The following RBM39 variants were observed in gnomAD, a reference collection of about 807,000 sequenced individuals.
RBM39 encodes RNA-binding protein 39.
RBM39 carries 12 observed loss-of-function variants against 79.6 expected under a neutral mutation model. That is an observed-to-expected ratio of 0.15 (90% CI 0.10 to 0.24). The LOEUF is 0.24. Ranked by LOEUF, RBM39 falls within the 10% of genes least tolerant of loss-of-function variation. The pLI, the probability that RBM39 is intolerant of heterozygous loss-of-function variation, is 1.00. For missense variants in RBM39, 243 were observed against 653.4 expected, an observed-to-expected ratio of 0.37 and a Z score of 6.85; for synonymous variants, 185 against 208.4, an observed-to-expected ratio of 0.89 and a Z score of 0.97.
intron 14 of RBM39, 64 bp from the exon 15 acceptor site, chr20:35,705,394 G>GT (rs1568980777): frequency 1.1e-6 from 1 of 912,106 alleles, no homozygotes; most frequent in Non-Finnish European, 1.6e-6. Context: ...ATTTACAAAT[G>GT]TATCAAAAAA....
intron 9 of RBM39, among the ~76,000 whole-genome samples, chr20:35,718,166 C>T (rs1456031323): frequency 1.3e-5 from 2 of 151,710 alleles, no homozygotes; most frequent in Admixed American, 6.6e-5. Flanking sequence ...GCCCAAGGAA[C>T]GAACTTTTAA....
chr20:35,739,248 CAT>C, intron 2 of RBM39: 1 of 551,850 alleles, frequency 1.8e-6, no homozygotes. Context: ...TCCATATTAA[CAT>C]GTTAAATTTT....
chr20:35,727,363 TA>T (rs2038843195), intron 6 of RBM39, among the ~76,000 whole-genome samples: 2 of 88,788 alleles, frequency 2.3e-5, no homozygotes, highest in Non-Finnish European at 4.7e-5. Flanking sequence ...AAATAAAAAA[TA>T]AAAATAAAAA....
intron 2 of RBM39, chr20:35,739,257 TTTTAC>T (rs2040289488): frequency 1.9e-6 from 1 of 529,858 alleles, no homozygotes; most frequent in African/African-American, 1.9e-5. Flanking sequence ...ACATGTTAAA[TTTTAC>T]TTTCTTATAT....
chr20:35,734,721 T>C, intron 3 of RBM39: 5 of 1,016,072 alleles, frequency 4.9e-6, no homozygotes, highest in Non-Finnish European at 6.5e-6. Context: ...CCCAGGCAGG[T>C]AAAAAGACAG....
At chr20:35,720,718 G>A (rs1277458340) in intron 9 of RBM39, among the ~76,000 whole-genome samples, 1 of 152,150 alleles carries the variant, frequency 6.6e-6, no homozygotes, top group African/African-American at 2.4e-5. Context: ...TTTGCAGCGA[G>A]GCGAGATTGT....
chr20:35,737,389 CAAAAAAAA>C (rs58047560), intron 3 of RBM39, among the ~76,000 whole-genome samples: 1 of 62,256 alleles, frequency 1.6e-5, no homozygotes, highest in African/African-American at 5.7e-5. Context: ...AACTCCATCT[CAAAAAAAA>C]AAAAAAAAAA....
chr20:35,729,597 TC>T, intron 4 of RBM39, 70 bp from the exon 5 acceptor site: 4 of 1,366,440 alleles, frequency 2.9e-6, no homozygotes, highest in Non-Finnish European at 4.1e-6. Flanking sequence ...TCATGCGCTC[TC>T]CAGCAAGACT....
Position 35,706,368 on chromosome 20 carries a change from A to G in RBM39, c.1307+752T>C, listed in dbSNP as rs184183945. On this transcript the variant is annotated intron_variant, in intron 14 of 16. Coordinates refer to ENST00000253363, the MANE Select transcript of RBM39 (RefSeq NM_184234.3). ...AAGTTAAATACTTCAATGCTATCAA[A>G]TGATACTTACAACGAAAGTTTATCA... is the stretch of plus-strand genomic sequence containing the variant. 9.2e-5 allele frequency among the ~76,000 whole-genome samples: 14 copies of G among 152,302 alleles called. No homozygotes were observed. In the East Asian group the frequency reaches 2.7e-3, roughly 29 times the overall value.
intron 9 of RBM39, among the ~76,000 whole-genome samples, chr20:35,717,333 G>A (rs933968961): frequency 3.3e-5 from 5 of 150,610 alleles, no homozygotes; most frequent in African/African-American, 4.9e-5. Flanking sequence ...CTTCCCAAGC[G>A]AGAAATTATG....
chr20:35,724,726 G>A lies in RBM39; in HGVS notation c.535-4C>T. 26 of 1,613,346 alleles carry A rather than the reference G, an allele frequency of 1.6e-5. No homozygotes were observed. Among genetic ancestry groups the A allele is most frequent in the Non-Finnish European group, 2.2e-5 (26 of 1,179,528 alleles). ...AAATCATCCTCACATCTCGAACCTA[G>A]AAAGAAAACACAGTTGTTTGTGCAA... On this transcript the variant is annotated splice_polypyrimidine_tract_variant and splice_region_variant and intron_variant, in intron 7 of 16. Coordinates refer to ENST00000253363, the MANE Select transcript of RBM39 (RefSeq NM_184234.3).
At chr20:35,707,864 G>T in intron 13 of RBM39, 1 of 462,932 alleles carries the variant, frequency 2.2e-6, no homozygotes, top group African/African-American at 2.0e-5. Flanking sequence ...AGTTTAAAGA[G>T]CATTTTCCAA....
rs1209027292 is a variant in RBM39 at position 35,738,953 on chromosome 20, C to G, written c.101+15G>C. On this transcript the variant is annotated intron_variant, in intron 3 of 16. Coordinates refer to ENST00000253363, the MANE Select transcript of RBM39 (RefSeq NM_184234.3). ...AAGCTCACCACCCTCCCCCAAGCCCCTTCTTAAAACTCACTTTTTGCTACG... is the reference window on the plus strand; with the variant it reads ...AAGCTCACCACCCTCCCCCAAGCCCGTTCTTAAAACTCACTTTTTGCTACG... 1 of 1,607,076 alleles carries G rather than the reference C, an allele frequency of 6.2e-7. No individual in the cohort carries two copies. Among genetic ancestry groups the G allele is most frequent in the Non-Finnish European group, 8.5e-7 (1 of 1,173,614 alleles).
At chr20:35,734,852 AG>A in intron 3 of RBM39, 1 of 1,448,420 alleles carries the variant, frequency 6.9e-7, no homozygotes, top group Non-Finnish European at 9.1e-7. Context: ...TAACTAAAGA[AG>A]GGTTATCGAA....
At chr20:35,717,317 T>C (rs1255112909) in intron 9 of RBM39, among the ~76,000 whole-genome samples, 2 of 150,384 alleles carry the variant, frequency 1.3e-5, no homozygotes, top group African/African-American at 4.9e-5. Context: ...AAACAAACTC[T>C]AGAAACTTCC....
intron 12 of RBM39, chr20:35,710,157 CAG>C (rs1485798019): frequency 6.6e-6 from 1 of 152,098 alleles, no homozygotes; most frequent in African/African-American, 2.4e-5. Context: ...AATTTTGATT[CAG>C]TAACCTGATT....
At chr20:35,720,597 C>T (rs2037778812) in intron 9 of RBM39, among the ~76,000 whole-genome samples, 1 of 149,562 alleles carries the variant, frequency 6.7e-6, no homozygotes, top group African/African-American at 2.5e-5. Context: ...TGGTAAAGCC[C>T]TGTCTCTAAA....
intron 13 of RBM39, among the ~76,000 whole-genome samples, chr20:35,708,580 A>T (rs1261871019): frequency 6.7e-6 from 1 of 149,512 alleles, no homozygotes; most frequent in Non-Finnish European, 1.5e-5. Flanking sequence ...CTTTCTCATA[A>T]TCATTTCCCT....
At chr20:35,739,127 T>G in intron 2 of RBM39, 110 bp from the exon 3 acceptor site, 2 of 919,378 alleles carry the variant, frequency 2.2e-6, no homozygotes, top group Non-Finnish European at 1.7e-6. Flanking sequence ...TTAAAACTAA[T>G]TATTTACTTA....
Sources: gnomAD v4.1 joint callset for allele counts (sites outside exome capture counted in the v4.1 genomes callset) on GRCh38, gnomAD v4.1.1 for gene constraint, MANE v1.5 for transcripts, NCBI Gene and HGNC (gene_info 2026-07-23, HGNC 2026-07-21) for gene names.